Variants in MGAT5 observed in about 807,000 individuals in gnomAD.
The protein encoded by MGAT5 is alpha-1,6-mannosylglycoprotein 6-beta-N-acetylglucosaminyltransferase.
A neutral mutation model predicts 94.3 loss-of-function variants in MGAT5; 30 were observed. The ratio of observed to expected loss-of-function variants is 0.32; its 90% CI spans 0.24 to 0.43. MGAT5 has a LOEUF of 0.43. MGAT5 is among the 20% of genes least tolerant of loss of function. MGAT5 has a pLI of 1.00. For synonymous variants in MGAT5, 310 were observed against 322.9 expected, an observed-to-expected ratio of 0.96 and a Z score of 0.43; for missense variants, 691 against 905.5, an observed-to-expected ratio of 0.76 and a Z score of 3.04.
chr2:134,334,534 G>A (rs915532973), intron 4 of MGAT5, among the ~76,000 whole-genome samples: 29 of 142,106 alleles, frequency 2.0e-4, no homozygotes, highest in African/African-American at 7.2e-4. Context: ...GGTTGGGGGT[G>A]GGATGGGGTG....
intron 1 of MGAT5, among the ~76,000 whole-genome samples, chr2:134,166,097 A>T (rs1391952945): frequency 6.6e-6 from 1 of 152,210 alleles, no homozygotes; most frequent in Non-Finnish European, 1.5e-5. Flanking sequence ...CTAAAACTGC[A>T]TAAGACTGGG....
Position 134,349,791 on chromosome 2 carries a change from C to T in MGAT5, c.1113-14C>T, listed in dbSNP as rs780531953. ...CAAGTATGTAGTGTTCAACACATTGCTTTTTTCTTTCAGGTGCATGCTCCG... is the reference window on the plus strand; with the variant it reads ...CAAGTATGTAGTGTTCAACACATTGTTTTTTTCTTTCAGGTGCATGCTCCG... On this transcript the variant is annotated splice_polypyrimidine_tract_variant and intron_variant, in intron 8 of 15. Transcript: ENST00000281923. 6.2e-7 allele frequency: 1 copy of T among 1,612,712 alleles called. No homozygotes were observed. Among genetic ancestry groups the T allele is most frequent in the Non-Finnish European group, 8.5e-7 (1 of 1,179,460 alleles).
intron 10 of MGAT5, among the ~76,000 whole-genome samples, chr2:134,375,102 C>G (rs1340859420): frequency 6.6e-6 from 1 of 152,202 alleles, no homozygotes; most frequent in African/African-American, 2.4e-5. Context: ...ATAGATTGAG[C>G]TCCTTGAGGA....
chr2:134,149,821 G>A (rs1462724927), intron 1 of MGAT5, among the ~76,000 whole-genome samples: 1 of 152,230 alleles, frequency 6.6e-6, no homozygotes, highest in Non-Finnish European at 1.5e-5. Flanking sequence ...CTCTAAGGCT[G>A]AGGGGCCTGG....
upstream of MGAT5, among the ~76,000 whole-genome samples, chr2:134,251,733 TC>T (rs1426775076): frequency 6.6e-6 from 1 of 152,232 alleles, no homozygotes; most frequent in Non-Finnish European, 1.5e-5. Flanking sequence ...AGCATGCACA[TC>T]ACCCCCAAAT....
intron 1 of MGAT5, among the ~76,000 whole-genome samples, chr2:134,164,827 T>G: frequency 6.8e-6 from 1 of 147,490 alleles, no homozygotes; most frequent in Non-Finnish European, 1.5e-5. Context: ...GGCAACATAG[T>G]GACACCCGTC....
At position 134,279,431 on chromosome 2, in the gene MGAT5, G is replaced by A. The variant is rs74737821; in HGVS notation, c.406+8881G>A. Among the ~76,000 whole-genome samples, 359 of 152,290 alleles carry A rather than the reference G, an allele frequency of 2.4e-3. 6 individuals are homozygous for A. The highest frequency in any genetic ancestry group is 0.018 in the East Asian group (93 of 5,190). ...AAAATTCAGGCCACCTCCACTACCT[G>A]AGAGGTTGCTTTGAATGAATAGTTC... is the stretch of plus-strand genomic sequence containing the variant. On this transcript the variant is annotated intron_variant, in intron 2 of 15. Transcript: ENST00000281923.
intron 1 of MGAT5, among the ~76,000 whole-genome samples, chr2:134,152,779 A>G (rs574151317): frequency 2.0e-4 from 30 of 152,308 alleles, no homozygotes; most frequent in African/African-American, 7.0e-4. Context: ...TTAGCTGTAT[A>G]TCAGCAGTGC....
chr2:134,160,415 G>A (rs537507730), intron 1 of MGAT5, among the ~76,000 whole-genome samples: 2 of 152,266 alleles, frequency 1.3e-5, no homozygotes, highest in African/African-American at 2.4e-5. Flanking sequence ...CTCGTGATCC[G>A]CCTGCCTCGG....
At chr2:134,356,803 C>T (rs1226113476) in intron 9 of MGAT5, among the ~76,000 whole-genome samples, 1 of 152,112 alleles carries the variant, frequency 6.6e-6, no homozygotes, top group Non-Finnish European at 1.5e-5. Flanking sequence ...TGTCCCATCT[C>T]CTGGAACATT....
intron 9 of MGAT5, among the ~76,000 whole-genome samples, chr2:134,353,185 T>G (rs1192369721): frequency 6.6e-6 from 1 of 152,156 alleles, no homozygotes; most frequent in Non-Finnish European, 1.5e-5. Flanking sequence ...TTTAGTGTTA[T>G]TTGTTTTTTA....
At chr2:134,136,824 T>G (rs917381593) in intron 1 of MGAT5, among the ~76,000 whole-genome samples, 20 of 152,286 alleles carry the variant, frequency 1.3e-4, no homozygotes, top group Admixed American at 2.6e-4. Flanking sequence ...GACTTGGGCT[T>G]TCTCCAAGGC....
chr2:134,127,508 G>C (rs977256455), intron 1 of MGAT5, among the ~76,000 whole-genome samples: 2 of 101,466 alleles, frequency 2.0e-5, no homozygotes, highest in African/African-American at 6.7e-5. Flanking sequence ...CCCCCCCCCA[G>C]GCTTGTTCCA....
intron 1 of MGAT5, among the ~76,000 whole-genome samples, chr2:134,222,207 T>C (rs1282579843): frequency 6.6e-6 from 1 of 152,244 alleles, no homozygotes. Flanking sequence ...AATTGTGCCT[T>C]TCCTTCTGCT....
chr2:134,324,539 G>C (rs535002856), intron 4 of MGAT5, among the ~76,000 whole-genome samples: 1 of 152,212 alleles, frequency 6.6e-6, no homozygotes, highest in Non-Finnish European at 1.5e-5. Context: ...TGCCCAACAG[G>C]AAAGGTTGAA....
intron 10 of MGAT5, among the ~76,000 whole-genome samples, chr2:134,390,161 A>G (rs966498487): frequency 1.3e-5 from 2 of 152,222 alleles, no homozygotes. Context: ...AATGGTATTT[A>G]TGGTATACAA....
intron 1 of MGAT5, among the ~76,000 whole-genome samples, chr2:134,168,053 A>G (rs1004621198): frequency 1.3e-5 from 2 of 152,200 alleles, no homozygotes; most frequent in Non-Finnish European, 2.9e-5. Flanking sequence ...ACCTGCTCCT[A>G]TGGTTCCAGG....
At chr2:134,182,616 T>G (rs143099862) in intron 1 of MGAT5, among the ~76,000 whole-genome samples, 1 of 152,104 alleles carries the variant, frequency 6.6e-6, no homozygotes, top group Non-Finnish European at 1.5e-5. Context: ...AAACAAAACA[T>G]GCACAGCCCT....
At chr2:134,273,009 C>CTGTG (rs1055619041) in intron 2 of MGAT5, among the ~76,000 whole-genome samples, 1 of 150,636 alleles carries the variant, frequency 6.6e-6, no homozygotes, top group South Asian at 2.1e-4. Flanking sequence ...GTGTGTGTGT[C>CTGTG]TGTGTGTGTG....
Sources: allele counts gnomAD v4.1 joint callset (sites outside exome capture counted in the v4.1 genomes callset), GRCh38; gene constraint gnomAD v4.1.1; transcripts MANE v1.5; gene names NCBI Gene and HGNC (gene_info 2026-07-23, HGNC 2026-07-21).